CFAP52: variants seen among roughly 807,000 people sequenced by gnomAD.
CFAP52 encodes the protein cilia and flagella associated protein 52.
Under a neutral mutation model 70.5 loss-of-function variants are expected in CFAP52, and 57 were observed. The observed-to-expected ratio is 0.81, with a 90% CI of 0.65 to 1.01. CFAP52 has a LOEUF of 1.01. Among genes scored for constraint, CFAP52 ranks in the 50% least tolerant of loss-of-function variants. CFAP52 has a pLI of 0.00. For missense variants in CFAP52, 785 were observed against 788.5 expected, an observed-to-expected ratio of 1.00 and a Z score of 0.05; for synonymous variants, 267 against 292.5, an observed-to-expected ratio of 0.91 and a Z score of 0.89.
intron 10 of CFAP52, 133 bp from the exon 11 acceptor site, chr17:9,635,272 C>T: frequency 7.9e-7 from 1 of 1,261,326 alleles, no homozygotes; most frequent in Non-Finnish European, 1.1e-6. Context: ...ACACCCCACC[C>T]AACCGAGACA....
chr17:9,629,426 T>C (rs1910360678), intron 9 of CFAP52, among the ~76,000 whole-genome samples: 1 of 152,192 alleles, frequency 6.6e-6, no homozygotes. Flanking sequence ...GGACAGCTAT[T>C]AAAATGGTGA....
At chr17:9,614,522 C>A (rs1461165464) in intron 8 of CFAP52, among the ~76,000 whole-genome samples, 1 of 152,098 alleles carries the variant, frequency 6.6e-6, no homozygotes, top group Non-Finnish European at 1.5e-5. Context: ...ATCTTCATTC[C>A]TTTAAAATAA....
chr17:9,592,124 AATC>A (rs1169290126), intron 3 of CFAP52, among the ~76,000 whole-genome samples: 1 of 152,008 alleles, frequency 6.6e-6, no homozygotes, highest in Admixed American at 6.6e-5. Context: ...CAAGGTTTGC[AATC>A]ATCATCCACA....
Position 9,611,867 on chromosome 17 carries a change from G to A in CFAP52, c.855-442G>A, listed in dbSNP as rs574142021. On this transcript the variant is annotated intron_variant, in intron 7 of 13. Coordinates refer to ENST00000352665, the MANE Select transcript of CFAP52 (RefSeq NM_145054.5). ...TCATTTAACTATTCCATTACAACTG[G>A]GTATTTAGGTTGTTTCCAACCTTTT... is the stretch of plus-strand genomic sequence containing the variant. 3.3e-5 allele frequency among the ~76,000 whole-genome samples: 5 copies of A among 152,084 alleles called. No homozygotes were observed. The East Asian group carries it at 7.7e-4, about 24-fold the overall frequency.
At chr17:9,577,732 T>C (rs1908028747) in intron 1 of CFAP52, among the ~76,000 whole-genome samples, 1 of 152,172 alleles carries the variant, frequency 6.6e-6, no homozygotes, top group Non-Finnish European at 1.5e-5. Flanking sequence ...TGAGAAACAA[T>C]TGAGCAGCCT....
intron 8 of CFAP52, among the ~76,000 whole-genome samples, chr17:9,626,734 G>A (rs954724510): frequency 6.6e-6 from 1 of 152,126 alleles, no homozygotes; most frequent in Non-Finnish European, 1.5e-5. Context: ...CTGGCAAGAA[G>A]CCCCATCACA....
In CFAP52 at chr17:9,643,037, C is replaced by G; in HGVS notation, c.1702C>G (p.Leu568Val). The G allele has an allele frequency of 1.2e-6, 2 of 1,600,470 alleles. No individual in the cohort carries two copies. The highest frequency in any genetic ancestry group is 1.7e-5 in the Admixed American group (1 of 57,986). ...ATCTTTTTCAGGTGGAAATGACCAT[C>G]TGGTCAAAGTTTGGGATTATAATGA... Reference protein sequence around the residue: ...VHFVTGGNDHLVKVWDYNEGE... With the variant: ...VHFVTGGNDHVVKVWDYNEGE... The change falls in exon 14 of 14, where the codon CTG becomes GTG. Residue 568 changes from leucine (L) to valine (V), a missense_variant. By Grantham distance (32) the Leu-to-Val change is conservative (BLOSUM62 1). Coordinates refer to ENST00000352665, the MANE Select transcript of CFAP52 (RefSeq NM_145054.5).
chr17:9,628,526 C>T (rs1195481394), intron 8 of CFAP52, 146 bp from the exon 9 acceptor site: 6 of 1,056,936 alleles, frequency 5.7e-6, no homozygotes, highest in South Asian at 1.6e-5. Context: ...GATCCACCCC[C>T]CTGGCCTCCC....
chr17:9,584,186 T>A, intron 1 of CFAP52: 1 of 1,218,860 alleles, frequency 8.2e-7, no homozygotes, highest in Non-Finnish European at 1.0e-6. Context: ...CTGAAGGTCC[T>A]GTTCTCCTGA....
intron 1 of CFAP52, among the ~76,000 whole-genome samples, chr17:9,579,509 A>G (rs377300892): frequency 2.0e-5 from 3 of 152,222 alleles, no homozygotes; most frequent in Non-Finnish European, 4.4e-5. Flanking sequence ...AATTAGAAAC[A>G]AAAGCAAGGC....
chr17:9,622,340 G>A (rs1224141671), intron 8 of CFAP52, among the ~76,000 whole-genome samples: 1 of 152,080 alleles, frequency 6.6e-6, no homozygotes, highest in East Asian at 1.9e-4. Context: ...TAAAGCCCAG[G>A]AGTTTGAGAC....
intron 6 of CFAP52, among the ~76,000 whole-genome samples, chr17:9,607,245 G>A (rs966025593): frequency 1.3e-5 from 2 of 152,146 alleles, no homozygotes; most frequent in African/African-American, 4.8e-5. Flanking sequence ...ACTCTGGTGG[G>A]TGAGTCACAA....
intron 1 of CFAP52, among the ~76,000 whole-genome samples, chr17:9,577,345 G>A (rs973611356): frequency 2.0e-5 from 3 of 152,210 alleles, no homozygotes; most frequent in African/African-American, 7.2e-5. Flanking sequence ...GGAAGGGGAC[G>A]CCAGGGGGAG....
intron 1 of CFAP52, among the ~76,000 whole-genome samples, chr17:9,585,001 T>C (rs1179934702): frequency 6.6e-6 from 1 of 152,168 alleles, no homozygotes; most frequent in Non-Finnish European, 1.5e-5. Flanking sequence ...TGGAGAATAT[T>C]ATGCTTTGTG....
chr17:9,591,908 C>G (rs1908777158), intron 3 of CFAP52, among the ~76,000 whole-genome samples: 1 of 152,096 alleles, frequency 6.6e-6, no homozygotes, highest in African/African-American at 2.4e-5. Context: ...AAAATTAAAG[C>G]TATTTCCGGC....
At chr17:9,642,778 G>C (rs1911134527) in intron 13 of CFAP52, among the ~76,000 whole-genome samples, 1 of 152,158 alleles carries the variant, frequency 6.6e-6, no homozygotes, top group Non-Finnish European at 1.5e-5. Context: ...AGACTGGAAG[G>C]AACTAAGCCA....
At chr17:9,601,852 G>A (rs1000423074) in intron 6 of CFAP52, among the ~76,000 whole-genome samples, 8 of 152,262 alleles carry the variant, frequency 5.3e-5, no homozygotes, top group South Asian at 2.1e-4. Flanking sequence ...TGCCTATCTC[G>A]TTTCTGATAA....
At position 9,635,390 on chromosome 17, in the gene CFAP52, C is replaced by T. The variant is rs775150640; in HGVS notation, c.1321-15C>T. ...CCCAAGTGTGGATCAAGATCCTGTG[C>T]TCTGTGGCTTTCAGGTGAGGGTATG... On this transcript the variant is annotated splice_polypyrimidine_tract_variant and intron_variant, in intron 10 of 13. Transcript: ENST00000352665. The T allele has an allele frequency of 6.2e-7, 1 of 1,613,652 alleles. No homozygotes were observed. Among genetic ancestry groups the T allele is most frequent in the Non-Finnish European group, 8.5e-7 (1 of 1,179,990 alleles).
chr17:9,644,132 A>G (rs1275850446), downstream of CFAP52, among the ~76,000 whole-genome samples: 1 of 150,816 alleles, frequency 6.6e-6, no homozygotes, highest in Non-Finnish European at 1.5e-5. Context: ...TTGAGACGGA[A>G]TTTAGCTCTT....
Sources: allele counts gnomAD v4.1 joint callset (sites outside exome capture counted in the v4.1 genomes callset), GRCh38; gene constraint gnomAD v4.1.1; transcripts MANE v1.5; gene names NCBI Gene and HGNC (gene_info 2026-07-23, HGNC 2026-07-21).